The following PHF24 variants were observed in gnomAD, a reference collection of about 807,000 sequenced individuals.
PHF24 encodes the protein PHD finger protein 24, also known as Galpha inhibitory interacting protein.
Under a neutral mutation model 42.6 loss-of-function variants are expected in PHF24, and 25 were observed. That is an observed-to-expected ratio of 0.59 (90% CI 0.43 to 0.82). The LOEUF (loss-of-function observed/expected upper bound fraction) is 0.82, where lower values mean the gene tolerates loss of function less well. Among genes scored for constraint, PHF24 ranks in the 40% least tolerant of loss-of-function variants. The pLI is 0.00. For synonymous variants in PHF24, 185 were observed against 204.8 expected (o/e 0.90, Z 0.83); for missense variants, 470 against 538.1 (o/e 0.87, Z 1.25).
chr9:34,918,142 T>C, the PHF24 span: 2 of 1,534,618 alleles, frequency 1.3e-6, no homozygotes, highest in Admixed American at 1.7e-5. Flanking sequence ...AGCGCCAGCA[T>C]ATGCATTCCC....
At chr9:34,938,712 G>A in the PHF24 span, among the ~76,000 whole-genome samples, 3 of 151,730 alleles carry the variant, frequency 2.0e-5, no homozygotes, top group Non-Finnish European at 2.9e-5. Flanking sequence ...GGCGGATCAC[G>A]AGGACAGGAG....
At chr9:34,792,045 G>T in the PHF24 span, among the ~76,000 whole-genome samples, 2 of 152,136 alleles carry the variant, frequency 1.3e-5, no homozygotes, top group Non-Finnish European at 2.9e-5. Context: ...GTGTGCTGAG[G>T]GAATATTGGA....
chr9:34,916,328 G>T, the PHF24 span, among the ~76,000 whole-genome samples: 1 of 152,134 alleles, frequency 6.6e-6, no homozygotes, highest in Non-Finnish European at 1.5e-5. Flanking sequence ...CTTTTATCGG[G>T]GTAGGAACCC....
At chr9:34,971,546 G>A (rs751972803) in exon 2 of PHF24, 37 of 1,614,080 alleles carry the variant, frequency 2.3e-5, no homozygotes, top group Middle Eastern at 3.3e-4. Flanking sequence ...GAGCGGCTCC[G>A]AGATGGGCGC....
At chr9:34,696,195 AG>A in the PHF24 span, among the ~76,000 whole-genome samples, 7 of 152,240 alleles carry the variant, frequency 4.6e-5, no homozygotes, top group East Asian at 1.2e-3. Context: ...CCAATAAAAA[AG>A]ATAAGGTTAG....
the PHF24 span, among the ~76,000 whole-genome samples, chr9:34,878,729 G>C: frequency 6.6e-6 from 1 of 152,242 alleles, no homozygotes; most frequent in Non-Finnish European, 1.5e-5. Flanking sequence ...GCTCGAAATG[G>C]GTGGAGCCCA....
the PHF24 span, among the ~76,000 whole-genome samples, chr9:34,740,652 T>G: frequency 6.6e-6 from 1 of 152,214 alleles, no homozygotes; most frequent in African/African-American, 2.4e-5. Context: ...GGGAGCTGTC[T>G]CCAGCCTTGG....
the PHF24 span, among the ~76,000 whole-genome samples, chr9:34,901,967 T>G: frequency 1.3e-5 from 2 of 152,280 alleles, no homozygotes; most frequent in African/African-American, 4.8e-5. Context: ...AAAATATTAA[T>G]TTGAAGTTGG....
the PHF24 span, among the ~76,000 whole-genome samples, chr9:34,873,503 T>C: frequency 6.6e-6 from 1 of 151,638 alleles, no homozygotes; most frequent in Non-Finnish European, 1.5e-5. Context: ...TTGTCAAAGA[T>C]CAGATGGTTG....
At chr9:34,842,432 A>G in the PHF24 span, among the ~76,000 whole-genome samples, 1 of 152,166 alleles carries the variant, frequency 6.6e-6, no homozygotes, top group Non-Finnish European at 1.5e-5. Context: ...ATAGATTGAA[A>G]CCTAATTACC....
chr9:34,750,920 T>A, the PHF24 span, among the ~76,000 whole-genome samples: 1 of 152,160 alleles, frequency 6.6e-6, no homozygotes, highest in Non-Finnish European at 1.5e-5. Context: ...ACTAAACTCT[T>A]CAATCAAAAG....
chr9:34,758,367 A>G, the PHF24 span, among the ~76,000 whole-genome samples: 1 of 152,010 alleles, frequency 6.6e-6, no homozygotes, highest in Non-Finnish European at 1.5e-5. The surrounding 1 kb of genome is among the most constrained non-coding windows in gnomAD (Gnocchi z 4.4). Context: ...GGGGCAGGAC[A>G]CACAGTGGCT....
chr9:34,886,498 G>A, the PHF24 span, among the ~76,000 whole-genome samples: 1 of 152,066 alleles, frequency 6.6e-6, no homozygotes, highest in Non-Finnish European at 1.5e-5. Flanking sequence ...TGACTGATTG[G>A]CAACTTGTCA....
chr9:34,756,435 T>A, the PHF24 span, among the ~76,000 whole-genome samples: 1 of 152,194 alleles, frequency 6.6e-6, no homozygotes, highest in African/African-American at 2.4e-5. Flanking sequence ...TTCTTCTGCA[T>A]ATGGATATTC....
At chr9:34,973,557 C>T (rs889422601) in intron 3 of PHF24, among the ~76,000 whole-genome samples, 5 of 152,188 alleles carry the variant, frequency 3.3e-5, no homozygotes, top group Admixed American at 2.0e-4. Context: ...CTGCAGATAT[C>T]GTCATTGTTT....
At chr9:34,877,342 AT>A in the PHF24 span, among the ~76,000 whole-genome samples, 1 of 152,134 alleles carries the variant, frequency 6.6e-6, no homozygotes, top group African/African-American at 2.4e-5. Context: ...CCTTGAAAAC[AT>A]TACACTAAGT....
the PHF24 span, among the ~76,000 whole-genome samples, chr9:34,849,700 T>G: frequency 1.2e-4 from 18 of 152,362 alleles, no homozygotes; most frequent in African/African-American, 4.1e-4. Context: ...CTAGCCTCGA[T>G]GGTCTTTACA....
At chr9:34,838,670 C>T in the PHF24 span, 276 of 456,716 alleles carry the variant, frequency 6.0e-4, 3 homozygotes, top group South Asian at 0.011. Flanking sequence ...AGTAGGGAAG[C>T]TCATGTGGTG....
the PHF24 span, among the ~76,000 whole-genome samples, chr9:34,697,423 G>A: frequency 1.4e-4 from 22 of 152,100 alleles, no homozygotes; most frequent in Non-Finnish European, 2.8e-4. Flanking sequence ...GGGTTCAAGC[G>A]ATTCTCTTGC....
Sources: allele counts gnomAD v4.1 joint callset (sites outside exome capture counted in the v4.1 genomes callset), GRCh38; gene constraint gnomAD v4.1.1; non-coding constraint Gnocchi (gnomAD v3.1); transcripts MANE v1.5; gene names NCBI Gene and HGNC (gene_info 2026-07-23, HGNC 2026-07-21).